Variants in ZNF91 observed in about 807,000 individuals in gnomAD.
ZNF91 encodes the protein zinc finger protein 91 (HPF7, HTF10).
Under a neutral mutation model 12.6 loss-of-function variants are expected in ZNF91, and 7 were observed. The observed-to-expected ratio is 0.55, with a 90% CI of 0.31 to 1.04. The LOEUF (loss-of-function observed/expected upper bound fraction) is 1.04. Among genes scored for constraint, ZNF91 ranks in the 50% least tolerant of loss-of-function variants. The pLI is 0.05. For synonymous variants in ZNF91, 453 were observed against 462.6 expected, an observed-to-expected ratio of 0.98 and a Z score of 0.27; for missense variants, 1,217 against 1,385.4, an observed-to-expected ratio of 0.88 and a Z score of 1.93.
intron 1 of ZNF91, among the ~76,000 whole-genome samples, chr19:23,322,708 CT>C (rs370088316): frequency 7.0e-6 from 1 of 143,494 alleles, no homozygotes; most frequent in African/African-American, 2.7e-5. Context: ...CTCCTCCTCA[CT>C]TTTCTCCTCC....
At chr19:23,330,463 A>T (rs570047066) in intron 1 of ZNF91, among the ~76,000 whole-genome samples, 1 of 152,298 alleles carries the variant, frequency 6.6e-6, no homozygotes, top group South Asian at 2.1e-4. Context: ...GGTGAGCCCC[A>T]CTGTGCTCCA....
intron 3 of ZNF91, among the ~76,000 whole-genome samples, chr19:23,366,990 T>G (rs1969043293): frequency 6.6e-6 from 1 of 152,194 alleles, no homozygotes; most frequent in South Asian, 2.1e-4. Flanking sequence ...CATACTAAGT[T>G]TTATTAAATT....
chr19:23,389,257 T>C (rs758463534), intron 1 of ZNF91, among the ~76,000 whole-genome samples: 6 of 152,240 alleles, frequency 3.9e-5, no homozygotes, highest in Non-Finnish European at 7.3e-5. Context: ...CTCTGATTTA[T>C]TTCTGGGTCC....
In ZNF91 at chr19:23,321,669, G is replaced by T. The variant is rs530361981; in HGVS notation, n.117-12572C>A. 7.3e-3 allele frequency among the ~76,000 whole-genome samples: 1,113 copies of T among 152,184 alleles called. 3 individuals are homozygous for T. The highest frequency in any genetic ancestry group is 0.012 in the Non-Finnish European group (820 of 68,018). On this transcript the variant is annotated intron_variant and non_coding_transcript_variant, in intron 1 of 1. Coordinates refer to the ZNF91 transcript ENST00000596528. ...TATTGTGACCTATTGCTGGGCCCAG[G>T]ACCAAGGTGATGTGACTTTCTTGCC...
chr19:23,362,391 G>C lies in ZNF91; in HGVS notation c.588C>G (p.His196Gln). The C allele has an allele frequency of 2.5e-6, 4 of 1,613,938 alleles. No homozygotes were observed. Among genetic ancestry groups the C allele is most frequent in the Non-Finnish European group, 3.4e-6 (4 of 1,179,976 alleles). The change falls in exon 4 of 4, where the codon CAC (histidine) becomes CAG (glutamine). Residue 196 changes from histidine (H) to glutamine (Q), a missense_variant. By Grantham distance (24) the His-to-Gln change is conservative. This residue lies in a region of ZNF91 where 726 missense variants were observed against 895.5 expected (regional missense o/e 0.81). Transcript: ENST00000300619. ...TATAAACGCATTTATGTTGGGTTTT[G>C]TGTAAACGGATGCAAAATGACTTGA... is the stretch of plus-strand genomic sequence containing the variant. ...KCVKSFCIRL[H>Q]KTQHKCVYIT...
downstream of ZNF91, chr19:23,338,544 T>G: frequency 6.6e-6 from 1 of 152,076 alleles, no homozygotes; most frequent in East Asian, 1.9e-4. Flanking sequence ...AAGAGATTGA[T>G]ATTCACCATT....
Position 23,395,094 on chromosome 19 carries a change from C to T in ZNF91, c.30+231G>A, listed in dbSNP as rs574417831. The stretch of plus-strand genomic sequence containing the variant: ...GAGCAGAGCTGCCCAGAGAGGGCTC[C>T]AGGCCAGGACACAGTCACTGGGCAG... On this transcript the variant is annotated intron_variant, in intron 1 of 3. Transcript: ENST00000300619. Among the ~76,000 whole-genome samples the T allele has an allele frequency of 3.3e-5, 5 of 152,268 alleles. No individual in the cohort carries two copies. The East Asian group carries it at 9.7e-4, about 29-fold the overall frequency.
chr19:23,345,612 C>G (rs960918369), intron 3 of ZNF91, among the ~76,000 whole-genome samples: 3 of 152,054 alleles, frequency 2.0e-5, no homozygotes, highest in African/African-American at 4.8e-5. Flanking sequence ...GACCCTACCT[C>G]TTTTTCCTCT....
intron 1 of ZNF91, among the ~76,000 whole-genome samples, chr19:23,309,889 C>A (rs1367561262): frequency 6.6e-6 from 1 of 151,908 alleles, no homozygotes; most frequent in Non-Finnish European, 1.5e-5. Flanking sequence ...TCCTGACAAC[C>A]ATTAGGATTG....
intron 1 of ZNF91, among the ~76,000 whole-genome samples, chr19:23,316,724 T>A (rs1568365422): frequency 1.3e-5 from 2 of 152,220 alleles, no homozygotes; most frequent in Non-Finnish European, 2.9e-5. Context: ...TTAGCTGGGA[T>A]TAGAGAAAAG....
At chr19:23,317,542 GACAAGGCA>G in intron 1 of ZNF91, among the ~76,000 whole-genome samples, 1 of 152,278 alleles carries the variant, frequency 6.6e-6, no homozygotes, top group Non-Finnish European at 1.5e-5. Context: ...TGAGTTTCCT[GACAAGGCA>G]CAGCACAGGT....
At chr19:23,331,454 G>C (rs1967926803) in intron 1 of ZNF91, among the ~76,000 whole-genome samples, 1 of 152,202 alleles carries the variant, frequency 6.6e-6, no homozygotes, top group Admixed American at 6.5e-5. Context: ...CCAGTGTCAT[G>C]TTGCTAAGAA....
intron 3 of ZNF91, chr19:23,342,177 G>C: frequency 2.0e-6 from 1 of 507,242 alleles, no homozygotes; most frequent in Non-Finnish European, 3.6e-6. Flanking sequence ...TACCTGAGAA[G>C]CTGACTACTG....
At chr19:23,342,127 G>A (rs1484076620) in intron 3 of ZNF91, 13 of 404,644 alleles carry the variant, frequency 3.2e-5, no homozygotes, top group Non-Finnish European at 5.4e-5. Flanking sequence ...TCTGACCTTC[G>A]TATCCCTCGT....
chr19:23,311,926 GAC>G, upstream of ZNF91, among the ~76,000 whole-genome samples: 1 of 150,936 alleles, frequency 6.6e-6, no homozygotes, highest in East Asian at 2.0e-4. Context: ...AAAGTACTGT[GAC>G]ACATCACTGG....
intron 1 of ZNF91, chr19:23,380,465 A>C (rs1391904665): frequency 2.0e-5 from 3 of 152,068 alleles, no homozygotes; most frequent in Non-Finnish European, 4.4e-5. Flanking sequence ...AGATAGAGAT[A>C]GCTCTAAGAG....
At chr19:23,374,516 C>A in intron 2 of ZNF91, 122 bp downstream of exon 2, 2 of 1,054,612 alleles carry the variant, frequency 1.9e-6, no homozygotes, top group Non-Finnish European at 2.6e-6. Context: ...GCCAAGATCT[C>A]GCCACTGCAC....
chr19:23,365,982 C>G (rs544484044), intron 3 of ZNF91, among the ~76,000 whole-genome samples: 10 of 152,372 alleles, frequency 6.6e-5, no homozygotes, highest in Admixed American at 6.5e-5. Flanking sequence ...TACACAGACA[C>G]AGCAACCATC....
intron 1 of ZNF91, chr19:23,380,265 T>C (rs1469833858): frequency 4.3e-4 from 2 of 4,704 alleles, no homozygotes; most frequent in Admixed American, 5.8e-3. Context: ...AAAATCCGTC[T>C]CAAAAAAAAA....
Sources: gnomAD v4.1 joint callset for allele counts (sites outside exome capture counted in the v4.1 genomes callset) on GRCh38, gnomAD v4.1.1 for gene constraint, gnomAD v4.1.1 regional missense constraint, MANE v1.5 for transcripts, NCBI Gene and HGNC (gene_info 2026-07-23, HGNC 2026-07-21) for gene names.